The following RP1 variants were observed in gnomAD, a reference collection of about 807,000 sequenced individuals.
RP1 encodes the protein RP1 axonemal microtubule associated.
A neutral mutation model predicts 14.8 loss-of-function variants in RP1; 16 were observed. The observed-to-expected ratio is 1.08, with a 90% CI of 0.73 to 1.65. RP1 has a LOEUF of 1.65. RP1 is among the 40% of genes most tolerant of loss of function. RP1 has a pLI of 0.00. For missense variants in RP1, 2,631 were observed against 2,535.0 expected (o/e 1.04, Z -0.81); for synonymous variants, 876 against 883.6 (o/e 0.99, Z 0.15).
chr8:54,627,384 A>G lies in RP1; in HGVS notation c.3502A>G (p.Lys1168Glu), dbSNP rs142787091. ...SETLALLEILKHIAITEEADD... is the reference protein window; with the variant it reads ...SETLALLEILEHIAITEEADD... Reference sequence around the variant, plus strand: ...AACACTTGCATTGTTGGAGATTCTAAAGCACATAGCTATCACAGAGGAAGC... The same window carrying G: ...AACACTTGCATTGTTGGAGATTCTAGAGCACATAGCTATCACAGAGGAAGC... Residue 1168 changes from lysine (K) to glutamate (E), a missense_variant, in exon 4 of 4, where the codon AAG becomes GAG. Lys to Glu is a moderately conservative substitution (Grantham distance 56). Coordinates refer to ENST00000220676, the MANE Select transcript of RP1 (RefSeq NM_006269.2). 1.6e-5 allele frequency: 26 copies of G among 1,614,048 alleles called. No individual in the cohort carries two copies. The highest frequency in any genetic ancestry group is 2.2e-5 in the South Asian group (2 of 91,092).
At chr8:54,702,975 C>T (rs1029798378) in intron 14 of RP1, among the ~76,000 whole-genome samples, 1 of 152,224 alleles carries the variant, frequency 6.6e-6, no homozygotes, top group Non-Finnish European at 1.5e-5. Flanking sequence ...AGCTCCACTT[C>T]TCATTCTAGC....
rs962048774 is a variant in RP1, at chr8:54,726,468, C to A, written c.2513C>A (p.Ser838Ter). Residue 838 changes from serine (S) to a stop codon, truncating the protein, a stop_gained, in exon 17 of 23, where the codon TCA (serine) becomes TAA (stop). Coordinates refer to the RP1 transcript ENST00000636932. LOFTEE classifies it high-confidence loss of function. ...GAGGCTAGGAGTCCCTTACCTTCTT[C>A]AACTGCAAGTAAGCCACAGCTTTTG... is the stretch of plus-strand genomic sequence containing the variant. 3.3e-6 allele frequency: 5 copies of A among 1,527,254 alleles called. No individual in the cohort carries two copies. The highest frequency in any genetic ancestry group is 1.4e-5 in the African/African-American group (1 of 72,370). 94.6% of individuals were successfully genotyped at this position (1,527,254 alleles called of 1,614,324 possible). A position where few individuals can be genotyped will look rare whatever the true frequency, so the allele number is the denominator to read the frequency against.
At position 54,627,961 on chromosome 8, in the gene RP1, A is replaced by C. The variant is rs747733172; in HGVS notation, c.4079A>C (p.Glu1360Ala). 6 of 1,614,102 alleles carry C rather than the reference A, an allele frequency of 3.7e-6. No homozygotes were observed. The South Asian group carries it at 4.4e-5, about 12-fold the overall frequency. The part of the protein sequence containing the change: ...NTYTDNLDST[E>A]ELERGDDIQK... ...TATACTGATAACTTGGATTCAACTG[A>C]AGAGTTAGAAAGAGGTGATGACATT... Residue 1360 changes from glutamate (E) to alanine (A), a missense_variant, in exon 4 of 4, where the codon GAA becomes GCA. Glu to Ala is a moderately radical substitution (Grantham distance 107, BLOSUM62 -1). Coordinates refer to ENST00000220676, the MANE Select transcript of RP1 (RefSeq NM_006269.2).
chr8:54,690,994 C>T (rs898203026), intron 12 of RP1, among the ~76,000 whole-genome samples: 1 of 152,098 alleles, frequency 6.6e-6, no homozygotes, highest in Admixed American at 6.6e-5. Context: ...CATGGCTACT[C>T]TTTGCCTATT....
Position 54,678,652 on chromosome 8 carries a change from A to G in RP1, c.1478+116A>G, listed in dbSNP as rs1235769597. 1.4e-5 allele frequency: 10 copies of G among 716,756 alleles called. No homozygotes were observed. In the East Asian group the frequency reaches 2.0e-4, roughly 14 times the overall value. 44.4% of individuals were successfully genotyped at this position (716,756 alleles called of 1,614,324 possible). On this transcript the variant is annotated intron_variant, in intron 9 of 22. Transcript: ENST00000636932. ...CTAGTCACTGAGTCTTTGTTGGGTA[A>G]CTTTTGTGAACATTAATTTTAGTGG...
At chr8:54,604,836 A>G (rs1303263453) in intron 1 of RP1, among the ~76,000 whole-genome samples, 1 of 152,134 alleles carries the variant, frequency 6.6e-6, no homozygotes, top group Non-Finnish European at 1.5e-5. Flanking sequence ...ATAGGTGTTT[A>G]TAGTATTCTC....
intron 22 of RP1, among the ~76,000 whole-genome samples, chr8:54,767,891 A>C (rs997204076): frequency 2.0e-5 from 3 of 152,246 alleles, no homozygotes; most frequent in Non-Finnish European, 4.4e-5. Flanking sequence ...TCAGAAGGAA[A>C]TGGGATTTCT....
intron 22 of RP1, chr8:54,759,161 T>C: frequency 7.5e-7 from 1 of 1,329,212 alleles, no homozygotes; most frequent in Non-Finnish European, 1.0e-6. Context: ...TGTGTGTGTG[T>C]GTGTGTGTGT....
At chr8:54,613,551 C>G (rs1417456962), upstream of RP1, among the ~76,000 whole-genome samples, 1 of 152,006 alleles carries the variant, frequency 6.6e-6, no homozygotes, top group Non-Finnish European at 1.5e-5. Context: ...CTTGATGCAC[C>G]AGTTGTTTGT....
chr8:54,619,812 G>A (rs529837941), intron 1 of RP1, among the ~76,000 whole-genome samples: 16 of 152,294 alleles, frequency 1.1e-4, no homozygotes, highest in Admixed American at 7.2e-4. Context: ...TCTAATAAGC[G>A]GTGGAAACAT....
At chr8:54,754,603 G>T (rs1379096377) in intron 19 of RP1, among the ~76,000 whole-genome samples, 1 of 152,050 alleles carries the variant, frequency 6.6e-6, no homozygotes, top group Non-Finnish European at 1.5e-5. Context: ...AAGTAATTGT[G>T]GTTTTGTCAT....
chr8:54,730,214 A>G (rs899481168), intron 17 of RP1, among the ~76,000 whole-genome samples: 2 of 152,232 alleles, frequency 1.3e-5, no homozygotes, highest in South Asian at 2.1e-4. Flanking sequence ...AAAAAAGTCA[A>G]TATCTTCTTC....
At chr8:54,635,833 A>T (rs1806336711), downstream of RP1, among the ~76,000 whole-genome samples, 1 of 152,170 alleles carries the variant, frequency 6.6e-6, no homozygotes, top group African/African-American at 2.4e-5. Context: ...TTATTTCTTT[A>T]AATTAGCCCA....
At chr8:54,616,598 C>T (rs1373252932) in intron 1 of RP1, among the ~76,000 whole-genome samples, 1 of 152,240 alleles carries the variant, frequency 6.6e-6, no homozygotes, top group Non-Finnish European at 1.5e-5. Flanking sequence ...TGAATCTCCT[C>T]TCTCAACTCT....
chr8:54,785,058 G>A (rs999880179), intron 24 of RP1, among the ~76,000 whole-genome samples: 3 of 151,968 alleles, frequency 2.0e-5, no homozygotes, highest in Admixed American at 6.6e-5. Context: ...CCCATTTAAA[G>A]TGTATAAAGT....
At chr8:54,802,269 C>A (rs1810731583) in intron 24 of RP1, among the ~76,000 whole-genome samples, 1 of 152,120 alleles carries the variant, frequency 6.6e-6, no homozygotes, top group Non-Finnish European at 1.5e-5. Flanking sequence ...ATTATAGATT[C>A]TTTTCCTATG....
chr8:54,854,391 C>G (rs1056577110), intron 26 of RP1, among the ~76,000 whole-genome samples: 2 of 152,176 alleles, frequency 1.3e-5, no homozygotes, highest in East Asian at 1.9e-4. Context: ...AAAATTTCAA[C>G]AAATTTTTAA....
At chr8:54,823,911 G>A (rs1178791336) in intron 24 of RP1, among the ~76,000 whole-genome samples, 5 of 152,162 alleles carry the variant, frequency 3.3e-5, no homozygotes, top group Non-Finnish European at 4.4e-5. Flanking sequence ...AACAACATAT[G>A]AGAGATCTGG....
chr8:54,755,727 A>T (rs1429885161), exon 21 of RP1: 1 of 1,534,668 alleles, frequency 6.5e-7, no homozygotes, highest in Non-Finnish European at 8.7e-7. Context: ...GGCCTCAGAC[A>T]GCTGTACAAA....
Sources: allele counts gnomAD v4.1 joint callset (sites outside exome capture counted in the v4.1 genomes callset), GRCh38; gene constraint gnomAD v4.1.1; transcripts MANE v1.5; gene names NCBI Gene and HGNC (gene_info 2026-07-23, HGNC 2026-07-21).